FNDC3B: variants seen among roughly 807,000 people sequenced by gnomAD.
FNDC3B encodes the protein fibronectin type III domain-containing protein 3B.
FNDC3B carries 12 observed loss-of-function variants against 151.5 expected under a neutral mutation model. That is an observed-to-expected ratio of 0.08 (90% confidence interval 0.05 to 0.13). FNDC3B has a LOEUF of 0.13. FNDC3B is among the 10% of genes least tolerant of loss of function. The pLI is 1.00. For missense variants in FNDC3B, 1,214 were observed against 1,505.3 expected, an observed-to-expected ratio of 0.81 and a Z score of 3.20; for synonymous variants, 528 against 549.0, an observed-to-expected ratio of 0.96 and a Z score of 0.54.
At chr3:172,088,827 T>A (rs778367578) in intron 1 of FNDC3B, among the ~76,000 whole-genome samples, 128 of 152,252 alleles carry the variant, frequency 8.4e-4, no homozygotes, top group Non-Finnish European at 1.6e-3. Context: ...TTATGATTAC[T>A]TGTGTTGACA....
chr3:172,077,073 AATG>A (rs1576840991), intron 1 of FNDC3B, among the ~76,000 whole-genome samples: 1 of 152,198 alleles, frequency 6.6e-6, no homozygotes, highest in Non-Finnish European at 1.5e-5. Context: ...ACAACTTGAA[AATG>A]ATGATAGGTA....
chr3:172,252,749 A>G (rs1728149864), intron 6 of FNDC3B, among the ~76,000 whole-genome samples: 2 of 152,124 alleles, frequency 1.3e-5, no homozygotes, highest in Admixed American at 6.5e-5. Flanking sequence ...TGAATAGATC[A>G]TGTGTTCTTT....
chr3:172,311,768 C>G (rs1164348135), intron 11 of FNDC3B, among the ~76,000 whole-genome samples: 2 of 149,722 alleles, frequency 1.3e-5, no homozygotes, highest in African/African-American at 4.9e-5. Flanking sequence ...GTCCCAGCTA[C>G]TCGGGAGGCT....
At chr3:172,333,466 C>T (rs1031966912) in intron 14 of FNDC3B, among the ~76,000 whole-genome samples, 35 of 145,150 alleles carry the variant, frequency 2.4e-4, no homozygotes, top group African/African-American at 8.4e-4. Flanking sequence ...GGACTATAGG[C>T]GTGTGCCACT....
chr3:172,145,525 A>G (rs1340453200), intron 3 of FNDC3B, among the ~76,000 whole-genome samples: 1 of 152,172 alleles, frequency 6.6e-6, no homozygotes, highest in East Asian at 1.9e-4. Context: ...CCTTGGTTGG[A>G]TTTTGAACAT....
At chr3:172,169,603 C>T (rs947836159) in intron 3 of FNDC3B, among the ~76,000 whole-genome samples, 2 of 152,188 alleles carry the variant, frequency 1.3e-5, no homozygotes, top group Non-Finnish European at 1.5e-5. Flanking sequence ...GATGGGGCCA[C>T]GCCGGCAGAG....
chr3:172,084,458 A>T (rs1487252311), intron 1 of FNDC3B, among the ~76,000 whole-genome samples: 4 of 53,554 alleles, frequency 7.5e-5, no homozygotes, highest in Admixed American at 6.8e-4. Flanking sequence ...TCAAAAAAAA[A>T]ATATGTATAT....
At chr3:172,187,013 A>G (rs1724222093) in intron 3 of FNDC3B, 1 of 369,502 alleles carries the variant, frequency 2.7e-6, no homozygotes, top group Non-Finnish European at 4.8e-6. Flanking sequence ...GCAGGTGATG[A>G]TGATGCTTAT....
intron 25 of FNDC3B, among the ~76,000 whole-genome samples, chr3:172,394,377 A>G (rs1018949447): frequency 2.0e-5 from 3 of 152,148 alleles, no homozygotes; most frequent in Non-Finnish European, 4.4e-5. Context: ...AAAAATCAAC[A>G]AATCTTTAGT....
intron 11 of FNDC3B, 64 bp from the exon 12 acceptor site, chr3:172,328,888 A>G: frequency 3.8e-6 from 5 of 1,308,292 alleles, no homozygotes; most frequent in South Asian, 3.1e-5. Context: ...TCCTTCATTT[A>G]TTTAGGGTTA....
chr3:172,263,152 T>C (rs557633018), intron 6 of FNDC3B, among the ~76,000 whole-genome samples: 32 of 151,462 alleles, frequency 2.1e-4, no homozygotes, highest in African/African-American at 6.5e-4. Context: ...TCTAGACTTA[T>C]TAGAATTACC....
At chr3:172,053,457 C>A (rs1383237109) in intron 1 of FNDC3B, among the ~76,000 whole-genome samples, 1 of 152,130 alleles carries the variant, frequency 6.6e-6, no homozygotes. Flanking sequence ...TCCATGTGCT[C>A]AACCTGTCTA....
intron 11 of FNDC3B, among the ~76,000 whole-genome samples, chr3:172,327,141 A>G (rs763140642): frequency 3.9e-5 from 6 of 152,240 alleles, no homozygotes; most frequent in Non-Finnish European, 7.3e-5. Flanking sequence ...TGAAGTAAGC[A>G]TAGTGTGTGA....
At chr3:172,282,622 G>A (rs143207283) in intron 6 of FNDC3B, among the ~76,000 whole-genome samples, 65 of 152,284 alleles carry the variant, frequency 4.3e-4, no homozygotes, top group African/African-American at 1.4e-3. Context: ...TAAGTTAAAA[G>A]CAAATAAGAA....
rs554975027 is a variant in FNDC3B at position 172,192,392 on chromosome 3, A to G, written c.188-34479A>G. Among the ~76,000 whole-genome samples, 12 of 151,982 alleles carry G rather than the reference A, an allele frequency of 7.9e-5. No individual in the cohort carries two copies. In the East Asian group the frequency reaches 1.5e-3, roughly 20 times the overall value. The stretch of plus-strand genomic sequence containing the variant: ...AGTAGAGACAGGGTTTCACCGTGTT[A>G]GCCAGGATGGTCTTGCTCTCCTGAC... On this transcript the variant is annotated intron_variant, in intron 3 of 25. Coordinates refer to ENST00000415807, the MANE Select transcript of FNDC3B (RefSeq NM_022763.4).
chr3:172,068,423 C>CT (rs11459544), intron 1 of FNDC3B, among the ~76,000 whole-genome samples: 58,618 of 122,542 alleles, frequency 0.48, 15,770 homozygotes, highest in Non-Finnish European at 0.58. Context: ...TGTGAGGAGC[C>CT]TTTTTTTTTT....
chr3:172,165,054 C>G (rs1359231947), intron 3 of FNDC3B, among the ~76,000 whole-genome samples: 1 of 152,190 alleles, frequency 6.6e-6, no homozygotes, highest in African/African-American at 2.4e-5. Flanking sequence ...TACTCTGTGG[C>G]CCAGGCTGGA....
At chr3:172,112,179 C>A (rs892784085) in intron 1 of FNDC3B, among the ~76,000 whole-genome samples, 5 of 152,114 alleles carry the variant, frequency 3.3e-5, no homozygotes, top group African/African-American at 1.2e-4. Context: ...TACCTTTAAG[C>A]CTGACTGAAG....
At chr3:172,122,118 T>C (rs887778228) in intron 2 of FNDC3B, among the ~76,000 whole-genome samples, 3 of 152,254 alleles carry the variant, frequency 2.0e-5, no homozygotes, top group African/African-American at 7.2e-5. Flanking sequence ...ACATAATCGT[T>C]TTCATGTAGG....
Sources: allele counts gnomAD v4.1 joint callset (sites outside exome capture counted in the v4.1 genomes callset), GRCh38; gene constraint gnomAD v4.1.1; transcripts MANE v1.5; gene names NCBI Gene and HGNC (gene_info 2026-07-23, HGNC 2026-07-21).